Variants in SUCO observed in about 807,000 individuals in gnomAD.
SUCO encodes SUN domain-containing ossification factor.
In SUCO, 57 loss-of-function variants were observed where a neutral mutation model predicts 148.1. That is an observed-to-expected ratio of 0.38 (90% CI 0.31 to 0.48). The LOEUF is 0.48. SUCO is among the 20% of genes least tolerant of loss of function. SUCO has a pLI of 0.96. For missense variants in SUCO, 1,331 were observed against 1,468.2 expected (o/e 0.91, Z 1.53); for synonymous variants, 470 against 502.7 (o/e 0.93, Z 0.87).
rs1558177721 is a variant in SUCO at position 172,553,336 on chromosome 1, ATAAAT to A, written c.259_263del (p.Leu87ArgfsTer2). On this transcript the variant is annotated frameshift_variant, in exon 3 of 24. Coordinates refer to ENST00000263688, the MANE Select transcript of SUCO (RefSeq NM_014283.5). LOFTEE classifies it high-confidence loss of function. ...AATTTACCTATTTCTCCAAAAGAAC[ATAAAT>A]TAAAAGATGATTCTATTGTGGATGT... 7 of 1,605,334 alleles carry A rather than the reference ATAAAT, an allele frequency of 4.4e-6. No homozygotes were observed. The highest frequency in any genetic ancestry group is 6.0e-6 in the Non-Finnish European group (7 of 1,174,118).
chr1:172,548,556 A>T (rs1484212786), intron 1 of SUCO, among the ~76,000 whole-genome samples: 1 of 152,132 alleles, frequency 6.6e-6, no homozygotes, highest in East Asian at 1.9e-4. Context: ...TGTCTTATCT[A>T]CATCCCACCA....
upstream of SUCO, chr1:172,532,832 C>G (rs776454302): frequency 1.3e-6 from 2 of 1,562,152 alleles, no homozygotes; most frequent in Non-Finnish European, 1.7e-6. Context: ...CTGAGGATCA[C>G]TGGGCTCCTC....
chr1:172,569,815 G>C (rs941239385), intron 7 of SUCO, among the ~76,000 whole-genome samples: 2 of 152,112 alleles, frequency 1.3e-5, no homozygotes, highest in Admixed American at 6.5e-5. Flanking sequence ...ATGTTACTTA[G>C]ACATAAGTAA....
intron 1 of SUCO, among the ~76,000 whole-genome samples, chr1:172,536,598 C>G (rs78409974): frequency 6.6e-6 from 1 of 152,292 alleles, no homozygotes; most frequent in African/African-American, 2.4e-5. Context: ...GTCGCATAAC[C>G]TAGGAATTCC....
intron 19 of SUCO, among the ~76,000 whole-genome samples, chr1:172,592,560 C>T (rs1259484856): frequency 6.6e-6 from 1 of 152,132 alleles, no homozygotes; most frequent in Non-Finnish European, 1.5e-5. Flanking sequence ...TTGTTTTGGT[C>T]AGGTTTGTCA....
intron 8 of SUCO, 143 bp from the exon 9 acceptor site, chr1:172,570,519 GC>G (rs1654879984): frequency 1.6e-6 from 1 of 623,344 alleles, no homozygotes; most frequent in East Asian, 2.8e-5. Context: ...CCACTTTTAT[GC>G]TTTTTTCCCA....
intron 21 of SUCO, 75 bp downstream of exon 21, chr1:172,602,293 A>AT: frequency 7.1e-7 from 1 of 1,413,712 alleles, no homozygotes; most frequent in Non-Finnish European, 9.4e-7. Context: ...TTTTAAGCAA[A>AT]TAAAGGGAGA....
chr1:172,544,268 A>C, intron 1 of SUCO: 3 of 355,794 alleles, frequency 8.4e-6, no homozygotes, highest in Non-Finnish European at 1.2e-5. Flanking sequence ...GTGTTTTCTC[A>C]TTCTTCTTTT....
At chr1:172,574,310 T>G (rs1158916970) in intron 10 of SUCO, among the ~76,000 whole-genome samples, 2 of 152,126 alleles carry the variant, frequency 1.3e-5, no homozygotes, top group African/African-American at 4.8e-5. Context: ...GATTCAGAAC[T>G]ACAACTCTGA....
At chr1:172,597,223 C>T (rs1264756813) in intron 19 of SUCO, among the ~76,000 whole-genome samples, 1 of 152,258 alleles carries the variant, frequency 6.6e-6, no homozygotes, top group Non-Finnish European at 1.5e-5. Context: ...ATTCCCTCAC[C>T]CTTGCACTTC....
rs774045411 is a variant in SUCO at position 172,589,444 on chromosome 1, T to C, written c.2343T>C (p.Ser781=). 3.1e-6 allele frequency: 5 copies of C among 1,612,550 alleles called. No individual in the cohort carries two copies. The highest frequency in any genetic ancestry group is 1.3e-5 in the African/African-American group (1 of 74,908). The part of the protein sequence containing the change: ...VEIDNETEQK[S]ESFSSIEKPS... ...TCGATAATGAAACAGAACAAAAGTC[T>C]GAGAGCTTTAGTTCTATAGAGAAAC... The change falls in exon 18 of 24, where the codon TCT becomes TCC. Residue 781 remains serine (S), a synonymous_variant. Transcript: ENST00000263688.
In SUCO at chr1:172,589,667, G is replaced by A. The variant is rs772817222; in HGVS notation, c.2566G>A (p.Val856Ile). Reference protein sequence around the residue: ...ADTAKQTLISVVDSSSLPEVK... With the variant: ...ADTAKQTLISIVDSSSLPEVK... ...CACAGCAAAGCAAACTTTGATTTCT[G>A]TTGTGGATTCTTCTTCATTACCTGA... Residue 856 changes from valine to isoleucine, a missense_variant, in exon 18 of 24, where the codon GTT becomes ATT. Around this residue, in one of 3 missense-constraint regions of SUCO, gnomAD observed 992 missense variants for 1,093.5 expected, o/e 0.91. Transcript: ENST00000263688. The A allele has an allele frequency of 9.9e-6, 16 of 1,613,754 alleles. No individual in the cohort carries two copies. Among genetic ancestry groups the A allele is most frequent in the Middle Eastern group, 3.3e-4 (2 of 6,082 alleles).
In SUCO at chr1:172,589,430, A is replaced by G. The variant is rs776947875; in HGVS notation, c.2329A>G (p.Thr777Ala). The G allele has an allele frequency of 5.6e-6, 9 of 1,613,234 alleles. No individual in the cohort carries two copies. The highest frequency in any genetic ancestry group is 5.9e-6 in the Non-Finnish European group (7 of 1,179,706). The part of the protein sequence containing the change: ...QESSVEIDNE[T>A]EQKSESFSSI... ...GAGTTCTGTTGAGATCGATAATGAA[A>G]CAGAACAAAAGTCTGAGAGCTTTAG... The change falls in exon 18 of 24, where the codon ACA becomes GCA. Residue 777 changes from threonine (T) to alanine (A), a missense_variant. By Grantham distance (58) the Thr-to-Ala change is moderately conservative. Around this residue, in one of 3 missense-constraint regions of SUCO, gnomAD observed 992 missense variants for 1,093.5 expected, o/e 0.91. Coordinates refer to ENST00000263688, the MANE Select transcript of SUCO (RefSeq NM_014283.5).
intron 11 of SUCO, among the ~76,000 whole-genome samples, chr1:172,576,122 A>C (rs933397811): frequency 1.8e-4 from 27 of 151,976 alleles, no homozygotes; most frequent in African/African-American, 6.5e-4. Flanking sequence ...ATAGAGTTTT[A>C]AACACTGGTG....
chr1:172,533,751 C>T (rs917603528), intron 1 of SUCO, among the ~76,000 whole-genome samples: 2 of 152,180 alleles, frequency 1.3e-5, no homozygotes, highest in African/African-American at 4.8e-5. Context: ...GAGGGAACCA[C>T]CAAGTGCCTT....
At chr1:172,560,565 G>C (rs1654073160) in intron 6 of SUCO, among the ~76,000 whole-genome samples, 2 of 152,170 alleles carry the variant, frequency 1.3e-5, no homozygotes, top group Non-Finnish European at 2.9e-5. Context: ...GAGTCAAGTT[G>C]TTTAGGGTTC....
In SUCO at chr1:172,533,300, C is replaced by T. The variant is rs1204268655; in HGVS notation, c.-136C>T. 3.9e-6 allele frequency: 6 copies of T among 1,550,486 alleles called. No individual in the cohort carries two copies. Among genetic ancestry groups the T allele is most frequent in the African/African-American group, 1.4e-5 (1 of 73,130 alleles). On this transcript the variant is annotated 5_prime_UTR_variant, in exon 1 of 24. Transcript: ENST00000263688. ...CAGGACGCGAGCCACTGAGGAGCCG[C>T]TCAGCCAGCGCCATAGCCCTTAGGA...
Position 172,585,881 on chromosome 1 carries a change from G to A in SUCO, c.1591G>A (p.Ala531Thr). The A allele has an allele frequency of 6.2e-7, 1 of 1,608,372 alleles. No homozygotes were observed. Among genetic ancestry groups the A allele is most frequent in the South Asian group, 1.1e-5 (1 of 90,212 alleles). Residue 531 changes from alanine (A) to threonine (T), a missense_variant, in exon 17 of 24, where the codon GCC becomes ACC. Transcript: ENST00000263688. The stretch of plus-strand genomic sequence containing the variant: ...AGGAAATAAAAGTATATCTGAGAAT[G>A]CCACTGCCACAGCTGCACCTAAAAT... ...TEGNKSISENATATAAPKMPE... is the reference protein window; with the variant it reads ...TEGNKSISENTTATAAPKMPE...
At chr1:172,588,215 A>G in intron 17 of SUCO, 2 of 985,312 alleles carry the variant, frequency 2.0e-6, no homozygotes, top group Non-Finnish European at 2.4e-6. Context: ...AGTTCCTCAA[A>G]TCATTCTTAG....
Sources: allele counts gnomAD v4.1 joint callset (sites outside exome capture counted in the v4.1 genomes callset), GRCh38; gene constraint gnomAD v4.1.1; regional missense constraint gnomAD v4.1.1; transcripts MANE v1.5; gene names NCBI Gene and HGNC (gene_info 2026-07-23, HGNC 2026-07-21).